FAM13B: variants seen among roughly 807,000 people sequenced by gnomAD.
FAM13B encodes family with sequence similarity 13 member B.
Under a neutral mutation model 117.3 loss-of-function variants are expected in FAM13B, and 60 were observed. That is an observed-to-expected ratio of 0.51 (90% confidence interval 0.42 to 0.63). The LOEUF is 0.63. FAM13B is among the 30% of genes least tolerant of loss of function. FAM13B has a pLI of 0.00. For synonymous variants in FAM13B, 332 were observed against 356.1 expected (o/e 0.93, Z 0.76); for missense variants, 972 against 1,091.9 (o/e 0.89, Z 1.55).
At position 137,988,228 on chromosome 5, in the gene FAM13B, T is replaced by G. The variant is rs529300629; in HGVS notation, c.890+46A>C. Reference sequence around the variant, plus strand: ...TATTTTCATTTCTACAGCTTAGTAGTATTTTAAAATCTTAAAAATTTGTCT... The same window carrying G: ...TATTTTCATTTCTACAGCTTAGTAGGATTTTAAAATCTTAAAAATTTGTCT... On this transcript the variant is annotated intron_variant, in intron 8 of 23. Transcript: ENST00000689681. The G allele has an allele frequency of 2.2e-6, 3 of 1,354,964 alleles. No individual in the cohort carries two copies. The South Asian group carries it at 4.0e-5, about 18-fold the overall frequency. 83.9% of individuals were successfully genotyped at this position (1,354,964 alleles called of 1,614,324 possible).
intron 10 of FAM13B, among the ~76,000 whole-genome samples, chr5:137,976,694 A>T (rs1303353903): frequency 6.6e-6 from 1 of 152,208 alleles, no homozygotes; most frequent in Non-Finnish European, 1.5e-5. Context: ...ATCTTTGAAC[A>T]TAAATTGTGA....
At chr5:137,995,110 G>A (rs1458569541) in intron 7 of FAM13B, among the ~76,000 whole-genome samples, 2 of 152,194 alleles carry the variant, frequency 1.3e-5, no homozygotes, top group Non-Finnish European at 2.9e-5. Context: ...GTAAAGGAAG[G>A]TGATAGGCTT....
At chr5:138,012,886 C>T (rs1400779132) in intron 4 of FAM13B, among the ~76,000 whole-genome samples, 1 of 151,804 alleles carries the variant, frequency 6.6e-6, no homozygotes, top group African/African-American at 2.4e-5. Flanking sequence ...GGAAATAGGA[C>T]TCCAGTACTA....
intron 6 of FAM13B, among the ~76,000 whole-genome samples, chr5:138,007,907 T>C (rs1444856532): frequency 1.3e-5 from 2 of 152,210 alleles, no homozygotes; most frequent in African/African-American, 4.8e-5. Flanking sequence ...AAACTAATAC[T>C]AGTCATTAAA....
chr5:137,962,931 C>A (rs1339000469), intron 10 of FAM13B, among the ~76,000 whole-genome samples: 4 of 152,038 alleles, frequency 2.6e-5, no homozygotes. Context: ...CATGAGAAAA[C>A]TCTCCCATTT....
At chr5:137,985,426 G>A (rs1196446096) in intron 9 of FAM13B, 37 bp from the exon 10 acceptor site, 1 of 1,601,756 alleles carries the variant, frequency 6.2e-7, no homozygotes, top group Non-Finnish European at 8.5e-7. Context: ...CAGGCCAAAT[G>A]TTGAGTGTGT....
intron 7 of FAM13B, among the ~76,000 whole-genome samples, chr5:138,002,637 G>A (rs1307737605): frequency 1.3e-5 from 2 of 151,016 alleles, no homozygotes; most frequent in Non-Finnish European, 2.9e-5. Flanking sequence ...CTTTCTGAAA[G>A]GCTGATCAAA....
intron 10 of FAM13B, among the ~76,000 whole-genome samples, chr5:137,967,867 T>A (rs1053908268): frequency 2.0e-5 from 3 of 152,058 alleles, no homozygotes; most frequent in African/African-American, 7.2e-5. Context: ...CACTGCAGCC[T>A]GGGTGACTAA....
chr5:137,944,596 T>C (rs890241777), intron 20 of FAM13B, among the ~76,000 whole-genome samples: 3 of 151,936 alleles, frequency 2.0e-5, no homozygotes, highest in African/African-American at 4.8e-5. Flanking sequence ...TGAAACCCTG[T>C]CTCTACTAAA....
chr5:138,033,991 A>T (rs1379065735), upstream of FAM13B: 1 of 152,252 alleles, frequency 6.6e-6, no homozygotes, highest in Non-Finnish European at 1.5e-5. Context: ...TTTGAAAAAA[A>T]TAAAGTTACC....
chr5:137,943,272 T>G, intron 20 of FAM13B, 56 bp from the exon 21 acceptor site: 1 of 1,347,956 alleles, frequency 7.4e-7, no homozygotes, highest in Non-Finnish European at 1.0e-6. Context: ...AAGTGTCCAG[T>G]GAAGCTTCCC....
chr5:138,022,019 C>T lies in FAM13B; in HGVS notation c.-202-822G>A, dbSNP rs1282339064. Among the ~76,000 whole-genome samples the T allele has an allele frequency of 3.3e-5, 5 of 151,140 alleles. No individual in the cohort carries two copies. In the South Asian group the frequency reaches 1.0e-3, roughly 31 times the overall value. On this transcript the variant is annotated intron_variant, in intron 1 of 23. Transcript: ENST00000689681. ...GTCCCAGCTACTTGGAAGGCTGAGG[C>T]AGGAGGATCACTTCTGCCAGGAGGT...
intron 9 of FAM13B, among the ~76,000 whole-genome samples, chr5:137,986,669 G>C (rs1777324851): frequency 6.6e-6 from 1 of 152,196 alleles, no homozygotes; most frequent in South Asian, 2.1e-4. Flanking sequence ...CTTCGGACCA[G>C]AAGTGTTTCA....
At chr5:137,955,216 C>T (rs1194024326) in intron 14 of FAM13B, among the ~76,000 whole-genome samples, 1 of 152,108 alleles carries the variant, frequency 6.6e-6, no homozygotes, top group Non-Finnish European at 1.5e-5. Context: ...GGAGCTGTTC[C>T]CCATGTTACA....
intron 1 of FAM13B, chr5:138,039,296 G>A (rs998080539): frequency 6.6e-6 from 1 of 152,168 alleles, no homozygotes; most frequent in Non-Finnish European, 1.5e-5. Flanking sequence ...CTGAGATTCA[G>A]TGAGATTATG....
intron 10 of FAM13B, among the ~76,000 whole-genome samples, chr5:137,981,348 T>C (rs1775694824): frequency 6.6e-6 from 1 of 152,030 alleles, no homozygotes; most frequent in African/African-American, 2.4e-5. Context: ...TTTAGGAGAC[T>C]GAGGTAGGAA....
intron 1 of FAM13B, among the ~76,000 whole-genome samples, chr5:138,041,927 G>A (rs1791513317): frequency 6.6e-6 from 1 of 151,852 alleles, no homozygotes; most frequent in African/African-American, 2.4e-5. Context: ...CAGGCACAGT[G>A]GTTTGCACCT....
At chr5:137,959,188 C>A (rs748001440) in intron 13 of FAM13B, among the ~76,000 whole-genome samples, 1 of 151,992 alleles carries the variant, frequency 6.6e-6, no homozygotes, top group Non-Finnish European at 1.5e-5. Context: ...TTAGAAGTAC[C>A]CTTGAAGGTC....
intron 10 of FAM13B, 59 bp from the exon 11 acceptor site, chr5:137,962,528 T>G (rs1169697890): frequency 6.7e-7 from 1 of 1,493,068 alleles, no homozygotes; most frequent in African/African-American, 1.4e-5. Flanking sequence ...ATAAGAGAAG[T>G]TGCCAATCTA....
Sources: gnomAD v4.1 joint callset for allele counts (sites outside exome capture counted in the v4.1 genomes callset) on GRCh38, gnomAD v4.1.1 for gene constraint, MANE v1.5 for transcripts, NCBI Gene and HGNC (gene_info 2026-07-23, HGNC 2026-07-21) for gene names.